The following DMD variants were observed in gnomAD, a reference collection of about 807,000 sequenced individuals.
DMD encodes dystrophin.
A neutral mutation model predicts 330.1 loss-of-function variants in DMD; 63 were observed. The observed-to-expected ratio is 0.19, with a 90% CI of 0.16 to 0.24. The LOEUF (loss-of-function observed/expected upper bound fraction) is 0.24. Ranked by LOEUF, DMD falls within the 10% of genes least tolerant of loss-of-function variation. The pLI, the probability that DMD is intolerant of heterozygous loss-of-function variation, is 1.00. For missense variants in DMD, 3,344 were observed against 2,684.1 expected (o/e 1.25, Z -5.43); for synonymous variants, 1,223 against 959.8 (o/e 1.27, Z -5.07).
At chrX:32,405,671 G>A (rs1301708453) in intron 30 of DMD, among the ~76,000 whole-genome samples, 1 of 111,567 alleles carries the variant, frequency 9.0e-6, no homozygotes, top group African/African-American at 3.3e-5. Flanking sequence ...AGTATACTTT[G>A]AAGTCAGGTA....
intron 55 of DMD, among the ~76,000 whole-genome samples, chrX:31,587,756 T>TC (rs1237644889): frequency 9.0e-6 from 1 of 111,310 alleles, no homozygotes; most frequent in African/African-American, 3.3e-5. Flanking sequence ...TGGACCTCTC[T>TC]CCCCCCGTAC....
At chrX:32,332,324 TACTC>T (rs920863399) in intron 41 of DMD, among the ~76,000 whole-genome samples, 7 of 109,491 alleles carry the variant, frequency 6.4e-5, no homozygotes, top group African/African-American at 1.7e-4. Context: ...GGGAAATAAA[TACTC>T]AAGAAGATAA....
At chrX:32,033,278 T>C (rs2095900778) in intron 44 of DMD, among the ~76,000 whole-genome samples, 1 of 111,187 alleles carries the variant, frequency 9.0e-6, no homozygotes, top group African/African-American at 3.3e-5. Context: ...TTCAGTTAAG[T>C]AGGATGAATT....
At chrX:33,233,793 C>G (rs2052429692) in intron 1 of DMD, among the ~76,000 whole-genome samples, 2 of 111,482 alleles carry the variant, frequency 1.8e-5, no homozygotes, top group African/African-American at 3.3e-5. Context: ...TATATACACA[C>G]ACATGAGTAT....
At chrX:31,648,431 C>T (rs1490357529) in intron 54 of DMD, among the ~76,000 whole-genome samples, 1 of 107,363 alleles carries the variant, frequency 9.3e-6, no homozygotes, top group Non-Finnish European at 1.9e-5. Flanking sequence ...CAGTGGTGCA[C>T]GGGGCTGCAG....
intron 12 of DMD, among the ~76,000 whole-genome samples, chrX:32,611,772 C>A (rs1219898017): frequency 8.9e-6 from 1 of 111,963 alleles, no homozygotes; most frequent in Non-Finnish European, 1.9e-5. Flanking sequence ...CAGTGTCCTG[C>A]CTTCTGATGT....
chrX:32,053,163 T>C (rs191838787), intron 44 of DMD, among the ~76,000 whole-genome samples: 46 of 111,663 alleles, frequency 4.1e-4, no homozygotes, highest in African/African-American at 1.4e-3. Context: ...CACGCATTCA[T>C]GGATCTTAGA....
intron 18 of DMD, among the ~76,000 whole-genome samples, chrX:32,504,246 A>G (rs2044376819): frequency 8.9e-6 from 1 of 112,328 alleles, no homozygotes; most frequent in Non-Finnish European, 1.9e-5. Context: ...GGAAGTTTAT[A>G]CTTTTGATGG....
At chrX:32,407,887 A>G (rs1349616740) in intron 30 of DMD, among the ~76,000 whole-genome samples, 1 of 101,756 alleles carries the variant, frequency 9.8e-6, no homozygotes, top group Non-Finnish European at 2.0e-5. Context: ...AAAACCAAAC[A>G]CCGCATGTTC....
intron 42 of DMD, among the ~76,000 whole-genome samples, chrX:32,305,847 G>C (rs886991734): frequency 3.6e-5 from 4 of 110,836 alleles, no homozygotes; most frequent in Middle Eastern, 4.6e-3. Context: ...TCTTGTTGGT[G>C]CTTGATTAAG....
At chrX:32,140,219 A>T (rs1194307405) in intron 44 of DMD, among the ~76,000 whole-genome samples, 4 of 112,213 alleles carry the variant, frequency 3.6e-5, no homozygotes, top group Non-Finnish European at 7.5e-5. Flanking sequence ...ACATCTAGAA[A>T]ACTGTGTCTT....
intron 60 of DMD, among the ~76,000 whole-genome samples, chrX:31,405,723 T>C (rs1381394002): frequency 1.8e-5 from 2 of 111,681 alleles, no homozygotes; most frequent in African/African-American, 6.5e-5. Flanking sequence ...AATTTCCACT[T>C]ATGGATGTAA....
chrX:31,939,666 A>G (rs148298695), intron 45 of DMD, among the ~76,000 whole-genome samples: 2,380 of 111,618 alleles, frequency 0.021, 59 homozygotes, highest in African/African-American at 0.074. Flanking sequence ...CAGCACTCAA[A>G]AAAAATGGTA....
chrX:32,909,210 T>C lies in DMD; in HGVS notation c.94-59390A>G, dbSNP rs1227550649. Reference sequence around the variant, plus strand: ...ATAACTATGGTACTAAGAAAGAAAATCAGTATACACAGGTAGGATTTATCT... The same window carrying C: ...ATAACTATGGTACTAAGAAAGAAAACCAGTATACACAGGTAGGATTTATCT... On this transcript the variant is annotated intron_variant, in intron 2 of 78. Coordinates refer to ENST00000357033, the MANE Select transcript of DMD (RefSeq NM_004006.3). Among the ~76,000 whole-genome samples, 3 of 87,719 alleles carry C rather than the reference T, an allele frequency of 3.4e-5. 1 individual carries two copies. The highest frequency in any genetic ancestry group is 1.4e-4 in the African/African-American group (3 of 21,880). 76.2% of individuals were successfully genotyped at this position (87,719 alleles called of 115,157 possible). A position where few individuals can be genotyped will look rare whatever the true frequency, so the allele number is the denominator to read the frequency against.
chrX:32,573,200 C>T (rs1222337408), intron 15 of DMD, among the ~76,000 whole-genome samples: 2 of 111,877 alleles, frequency 1.8e-5, no homozygotes, highest in Admixed American at 9.5e-5. Flanking sequence ...TGAGAATCAA[C>T]GTCAGTCTAT....
At chrX:33,298,577 C>G (rs1157213003) in intron 1 of DMD, among the ~76,000 whole-genome samples, 1 of 111,572 alleles carries the variant, frequency 9.0e-6, no homozygotes, top group Non-Finnish European at 1.9e-5. Context: ...TTGAGCGTAT[C>G]GGACACTTTA....
intron 7 of DMD, among the ~76,000 whole-genome samples, chrX:32,721,213 C>G (rs926601288): frequency 4.5e-5 from 5 of 110,636 alleles, no homozygotes; most frequent in African/African-American, 1.6e-4. Context: ...TTCTGTGGGT[C>G]TATACCCAGG....
intron 50 of DMD, among the ~76,000 whole-genome samples, chrX:31,798,286 T>A (rs2091917167): frequency 1.8e-5 from 2 of 111,154 alleles, no homozygotes; most frequent in African/African-American, 6.6e-5. Context: ...TATTTTTTTT[T>A]TTCAAAGCAA....
At chrX:31,622,877 T>TATATATACAC (rs1361969125) in intron 55 of DMD, among the ~76,000 whole-genome samples, 40 of 70,300 alleles carry the variant, frequency 5.7e-4, no homozygotes, top group Non-Finnish European at 7.2e-4. Context: ...TATATATATA[T>TATATATACAC]ACACACACAC....
Sources: gnomAD v4.1 joint callset for allele counts (sites outside exome capture counted in the v4.1 genomes callset) on GRCh38, gnomAD v4.1.1 for gene constraint, MANE v1.5 for transcripts, NCBI Gene and HGNC (gene_info 2026-07-23, HGNC 2026-07-21) for gene names.